TNS3: variants seen among roughly 807,000 people sequenced by gnomAD.
TNS3 encodes the protein tensin-3.
In TNS3, 45 loss-of-function variants were observed where a neutral mutation model predicts 140.9. That is an observed-to-expected ratio of 0.32 (90% confidence interval 0.25 to 0.41). TNS3 has a LOEUF of 0.41. Ranked by LOEUF, TNS3 falls within the 10% of genes least tolerant of loss-of-function variation. The pLI, the probability that TNS3 is intolerant of heterozygous loss-of-function variation, is 1.00. For synonymous variants in TNS3, 815 were observed against 788.4 expected (o/e 1.03, Z -0.56); for missense variants, 1,716 against 1,906.7 (o/e 0.90, Z 1.86).
chr7:47,528,779 G>C (rs372547254), intron 2 of TNS3, among the ~76,000 whole-genome samples: 17 of 152,168 alleles, frequency 1.1e-4, no homozygotes, highest in African/African-American at 4.1e-4. Flanking sequence ...GAGAATAAAT[G>C]ATTAATTTAC....
chr7:47,507,720 C>T lies in TNS3; in HGVS notation c.-152-776G>A, dbSNP rs149560506. Among the ~76,000 whole-genome samples the T allele has an allele frequency of 9.8e-3, 1,492 of 152,286 alleles. 23 individuals are homozygous for T. Among genetic ancestry groups the T allele is most frequent in the African/African-American group, 0.034 (1,408 of 41,564 alleles). ...ACGAGCACCACGGGCATGCTGCAGG[C>T]AGGCCTTGCAGGACAGGGAGAGAGA... On this transcript the variant is annotated intron_variant, in intron 2 of 30. Transcript: ENST00000311160.
chr7:47,350,027 C>G (rs568664705), intron 17 of TNS3, among the ~76,000 whole-genome samples: 1 of 152,302 alleles, frequency 6.6e-6, no homozygotes, highest in South Asian at 2.1e-4. Context: ...TTTGTCACCA[C>G]ATGTATCTGA....
intron 20 of TNS3, among the ~76,000 whole-genome samples, chr7:47,319,472 G>A (rs545475184): frequency 3.9e-5 from 6 of 152,210 alleles, no homozygotes; most frequent in South Asian, 2.1e-4. Context: ...ATCAGTTCTC[G>A]TGTGAACTAA....
intron 4 of TNS3, among the ~76,000 whole-genome samples, chr7:47,442,724 C>T (rs1190732230): frequency 6.6e-6 from 1 of 152,204 alleles, no homozygotes; most frequent in African/African-American, 2.4e-5. Context: ...ACACCCACTA[C>T]AGGGCTCCCT....
intron 17 of TNS3, among the ~76,000 whole-genome samples, chr7:47,364,663 TG>T (rs1316302821): frequency 6.6e-6 from 1 of 152,208 alleles, no homozygotes; most frequent in Non-Finnish European, 1.5e-5. Context: ...CTAAATGAAG[TG>T]CAAGTCTCAA....
At chr7:47,354,986 G>A (rs1009465870) in intron 17 of TNS3, among the ~76,000 whole-genome samples, 6 of 152,190 alleles carry the variant, frequency 3.9e-5, no homozygotes, top group East Asian at 1.9e-4. Flanking sequence ...CCAGAGCCTC[G>A]GGAACCACGT....
At chr7:47,409,999 GT>G (rs757500634) in intron 13 of TNS3, among the ~76,000 whole-genome samples, 14 of 152,342 alleles carry the variant, frequency 9.2e-5, no homozygotes, top group Non-Finnish European at 1.8e-4. Flanking sequence ...CAGTTCCAGA[GT>G]GGGTGGAGGA....
At chr7:47,476,083 G>A (rs1298325630) in intron 4 of TNS3, among the ~76,000 whole-genome samples, 1 of 152,172 alleles carries the variant, frequency 6.6e-6, no homozygotes, top group Non-Finnish European at 1.5e-5. Context: ...AACCAACCAG[G>A]CTCTTCCCCA....
chr7:47,324,035 G>C (rs977460968), intron 20 of TNS3, among the ~76,000 whole-genome samples: 1 of 152,146 alleles, frequency 6.6e-6, no homozygotes, highest in Non-Finnish European at 1.5e-5. Context: ...TTATAAAAGG[G>C]ATCCATTAAC....
chr7:47,404,181 AG>A (rs1793315043), intron 13 of TNS3, among the ~76,000 whole-genome samples: 1 of 152,236 alleles, frequency 6.6e-6, no homozygotes. Context: ...GGCTGCGCAC[AG>A]CCTGTCACCA....
chr7:47,351,657 C>T (rs1789679318), intron 17 of TNS3, among the ~76,000 whole-genome samples: 1 of 152,284 alleles, frequency 6.6e-6, no homozygotes. Flanking sequence ...TCCCTTTAAC[C>T]CGTGCACAAC....
intron 8 of TNS3, among the ~76,000 whole-genome samples, chr7:47,430,435 A>C (rs556704616): frequency 1.3e-5 from 2 of 151,798 alleles, no homozygotes; most frequent in South Asian, 4.2e-4. Context: ...CGGCCTATAA[A>C]GCAAATATTA....
intron 4 of TNS3, among the ~76,000 whole-genome samples, chr7:47,479,302 C>G (rs1475634268): frequency 3.3e-5 from 5 of 152,250 alleles, no homozygotes; most frequent in Non-Finnish European, 7.3e-5. Flanking sequence ...AGAGCCTCAG[C>G]TGCCACCAGG....
chr7:47,367,097 C>T (rs1790749945), intron 17 of TNS3, among the ~76,000 whole-genome samples: 2 of 152,176 alleles, frequency 1.3e-5, no homozygotes, highest in Non-Finnish European at 1.5e-5. Context: ...GGGTCCTGGT[C>T]CTTGCATGGC....
intron 3 of TNS3, among the ~76,000 whole-genome samples, chr7:47,487,010 G>A (rs970863602): frequency 2.0e-5 from 3 of 152,162 alleles, no homozygotes; most frequent in Non-Finnish European, 4.4e-5. Context: ...AGTAAGGACT[G>A]AAGAGAGGCC....
At chr7:47,349,243 C>CA (rs1224435874) in intron 17 of TNS3, among the ~76,000 whole-genome samples, 18 of 152,082 alleles carry the variant, frequency 1.2e-4, no homozygotes, top group South Asian at 4.2e-4. Context: ...AAAAAAGTCT[C>CA]AAAAAAAATC....
intron 16 of TNS3, among the ~76,000 whole-genome samples, chr7:47,378,797 C>T (rs886977195): frequency 1.3e-5 from 2 of 152,194 alleles, no homozygotes; most frequent in Non-Finnish European, 2.9e-5. Context: ...ACCCAGGGTT[C>T]CCATCACTGC....
intron 13 of TNS3, among the ~76,000 whole-genome samples, chr7:47,406,211 G>A (rs1310027268): frequency 6.6e-6 from 1 of 152,190 alleles, no homozygotes; most frequent in Non-Finnish European, 1.5e-5. Flanking sequence ...CTGCAAAGAT[G>A]GGATGGGTCA....
chr7:47,423,352 G>C (rs1794480111), intron 10 of TNS3, among the ~76,000 whole-genome samples: 1 of 152,250 alleles, frequency 6.6e-6, no homozygotes, highest in Non-Finnish European at 1.5e-5. Context: ...TGGATGGGGA[G>C]CCAGCTGTGG....
Sources: gnomAD v4.1 joint callset for allele counts (sites outside exome capture counted in the v4.1 genomes callset) on GRCh38, gnomAD v4.1.1 for gene constraint, MANE v1.5 for transcripts, NCBI Gene and HGNC (gene_info 2026-07-23, HGNC 2026-07-21) for gene names.